Variants in HIVEP3 observed in about 807,000 individuals in gnomAD.
The protein encoded by HIVEP3 is transcription factor HIVEP3.
HIVEP3 carries 49 observed loss-of-function variants against 152.8 expected under a neutral mutation model. That is an observed-to-expected ratio of 0.32 (90% CI 0.26 to 0.41). The LOEUF is 0.41. HIVEP3 is among the 10% of genes least tolerant of loss of function. HIVEP3 has a pLI of 1.00. For synonymous variants in HIVEP3, 1,269 were observed against 1,289.0 expected, an observed-to-expected ratio of 0.98 and a Z score of 0.33; for missense variants, 2,790 against 3,103.3, an observed-to-expected ratio of 0.90 and a Z score of 2.40.
intron 1 of HIVEP3, among the ~76,000 whole-genome samples, chr1:41,787,205 C>A (rs939194598): frequency 2.0e-5 from 3 of 152,154 alleles, no homozygotes; most frequent in African/African-American, 7.2e-5. Flanking sequence ...AAATAATGCC[C>A]GTGTCTGATG....
At chr1:41,978,627 C>T (rs1645275685) in intron 1 of HIVEP3, among the ~76,000 whole-genome samples, 1 of 152,262 alleles carries the variant, frequency 6.6e-6, no homozygotes, top group East Asian at 1.9e-4. Flanking sequence ...ATTACAGCAT[C>T]GCTAGCAAAT....
chr1:41,639,330 T>C (rs1041955455), intron 2 of HIVEP3, among the ~76,000 whole-genome samples: 5 of 152,060 alleles, frequency 3.3e-5, no homozygotes, highest in African/African-American at 1.2e-4. Flanking sequence ...ACCACAGAAG[T>C]AGCATGGTAT....
chr1:41,518,607 T>G, intron 6 of HIVEP3, 119 bp from the exon 7 acceptor site: 1 of 939,646 alleles, frequency 1.1e-6, no homozygotes, highest in South Asian at 1.3e-5. Context: ...GTCAAGGCCC[T>G]GCCAGCTGCA....
chr1:42,011,206 C>T lies in HIVEP3; in HGVS notation n.119+24601G>A, dbSNP rs547292720. The stretch of plus-strand genomic sequence containing the variant: ...TTAGTCTGTCATCTTGAAAAAGAAT[C>T]CTGTGTACATTTCTATTAACACAAG... On this transcript the variant is annotated intron_variant and non_coding_transcript_variant, in intron 1 of 3. Coordinates refer to the HIVEP3 transcript ENST00000489103. Among the ~76,000 whole-genome samples, 45 of 152,256 alleles carry T rather than the reference C, an allele frequency of 3.0e-4. No homozygotes were observed. The South Asian group carries it at 8.7e-3, about 29-fold the overall frequency.
chr1:41,729,839 G>A (rs977228725), intron 1 of HIVEP3, among the ~76,000 whole-genome samples: 3 of 152,162 alleles, frequency 2.0e-5, no homozygotes, highest in East Asian at 1.9e-4. Flanking sequence ...GAAGAGGTGC[G>A]TTCTTGCTCT....
intron 1 of HIVEP3, among the ~76,000 whole-genome samples, chr1:41,950,199 G>A (rs1221692379): frequency 6.6e-6 from 1 of 152,180 alleles, no homozygotes; most frequent in Non-Finnish European, 1.5e-5. Context: ...TAATGGAAGG[G>A]ACAATGATCA....
intron 1 of HIVEP3, among the ~76,000 whole-genome samples, chr1:41,779,648 A>G (rs1648920731): frequency 6.6e-6 from 1 of 152,230 alleles, no homozygotes; most frequent in African/African-American, 2.4e-5. Context: ...AGCATAAACC[A>G]TTATGCCTGG....
intron 2 of HIVEP3, among the ~76,000 whole-genome samples, chr1:41,653,441 A>T (rs192704976): frequency 6.6e-6 from 1 of 152,192 alleles, no homozygotes; most frequent in Non-Finnish European, 1.5e-5. Flanking sequence ...TCCCAAATGT[A>T]CTTGGCCATT....
chr1:41,884,457 G>A (rs1217730928), intron 1 of HIVEP3, among the ~76,000 whole-genome samples: 1 of 152,206 alleles, frequency 6.6e-6, no homozygotes, highest in Non-Finnish European at 1.5e-5. Flanking sequence ...ACCATCCCGG[G>A]ATTGCAGGCA....
At position 41,513,482 on chromosome 1, in the gene HIVEP3, T is replaced by C. The variant is rs1642507112; in HGVS notation, c.5739A>G (p.Thr1913=). 6.2e-7 allele frequency: 1 copy of C among 1,610,610 alleles called. No homozygotes were observed. Among genetic ancestry groups the C allele is most frequent in the Non-Finnish European group, 8.5e-7 (1 of 1,179,102 alleles). The change falls in exon 8 of 9, where the codon ACA becomes ACG. Residue 1913 remains threonine (T), a synonymous_variant. Coordinates refer to ENST00000372583, the MANE Select transcript of HIVEP3 (RefSeq NM_024503.5). The part of the protein sequence containing the change: ...PDAPASGTEA[T]RGSSVSEAER... ...CAGCTTCCGAGACCGAGCTGCCTCG[T>C]GTAGCCTCCGTGCCAGAGGCGGGGG...
At position 41,601,126 on chromosome 1, in the gene HIVEP3, T is replaced by A. The variant is rs1026692997; in HGVS notation, c.-521-15808A>T. ...TCATTGGTCTACATGTCTGTCTTTATGTCAGTACCATACTGTTTTGATTAG... is the reference window on the plus strand; with the variant it reads ...TCATTGGTCTACATGTCTGTCTTTAAGTCAGTACCATACTGTTTTGATTAG... On this transcript the variant is annotated intron_variant, in intron 3 of 8. Coordinates refer to ENST00000372583, the MANE Select transcript of HIVEP3 (RefSeq NM_024503.5). 2.0e-5 allele frequency among the ~76,000 whole-genome samples: 3 copies of A among 152,222 alleles called. No individual in the cohort carries two copies. In the East Asian group the frequency reaches 5.8e-4, roughly 29 times the overall value.
rs115148893 is a variant in HIVEP3 at position 41,893,724 on chromosome 1, G to A, written c.-801+24689C>T. ...TGTGTGTGTGTATGTGTTTGTGTGT[G>A]TGTATATAGATATACATATATATTT... On this transcript the variant is annotated intron_variant, in intron 1 of 8. Transcript: ENST00000372583. 7.1e-3 allele frequency among the ~76,000 whole-genome samples: 1,062 copies of A among 149,008 alleles called. 15 individuals carry two copies. The highest frequency in any genetic ancestry group is 0.025 in the African/African-American group (1,029 of 40,662).
At chr1:41,736,815 G>A (rs1397771598) in intron 1 of HIVEP3, among the ~76,000 whole-genome samples, 3 of 152,308 alleles carry the variant, frequency 2.0e-5, no homozygotes, top group East Asian at 3.9e-4. Context: ...ATCATGACCG[G>A]GGCAGGATGG....
At chr1:41,550,229 G>A (rs973025914) in intron 5 of HIVEP3, among the ~76,000 whole-genome samples, 1 of 152,158 alleles carries the variant, frequency 6.6e-6, no homozygotes, top group Non-Finnish European at 1.5e-5. Context: ...TGCTCCATTG[G>A]TCTATATTTC....
Position 41,989,299 on chromosome 1 carries a change from C to CAT in HIVEP3, n.119+46506_119+46507dup, listed in dbSNP as rs143116325. On this transcript the variant is annotated intron_variant and non_coding_transcript_variant, in intron 1 of 3. Transcript: ENST00000489103. ...ATTTAGTTATTGCACAGTATGTGTA[C>CAT]ATATATATATACATCACAAAATATC... Among the ~76,000 whole-genome samples, 7 of 152,002 alleles carry CAT rather than the reference C, an allele frequency of 4.6e-5. No homozygotes were observed. The South Asian group carries it at 6.2e-4, about 14-fold the overall frequency.
intron 4 of HIVEP3, 93 bp from the exon 5 acceptor site, chr1:41,575,782 T>C (rs1171530206): frequency 2.2e-6 from 3 of 1,365,174 alleles, no homozygotes; most frequent in East Asian, 2.3e-5. Context: ...TACACAGTAC[T>C]GCACAAGTAC....
In HIVEP3 at chr1:41,946,818, A is replaced by C. The variant is rs542943955; in HGVS notation, n.120-28294T>G. On this transcript the variant is annotated intron_variant and non_coding_transcript_variant, in intron 1 of 3. Transcript: ENST00000489103. ...ACCCGAGGCCCTACAAGGACTCAAA[A>C]GATTGTTAAGGACCTAAAAGCCCAA... Among the ~76,000 whole-genome samples, 8 of 152,256 alleles carry C rather than the reference A, an allele frequency of 5.3e-5. No homozygotes were observed. In the East Asian group the frequency reaches 1.5e-3, roughly 29 times the overall value.
intron 5 of HIVEP3, among the ~76,000 whole-genome samples, chr1:41,569,659 A>AT (rs1466658587): frequency 6.6e-6 from 1 of 152,206 alleles, no homozygotes; most frequent in Admixed American, 6.5e-5. Context: ...TAATCTTTAG[A>AT]TTTTTTAAAA....
rs1001910124 is a variant in HIVEP3 at position 41,976,351 on chromosome 1, T to G, written n.120-57827A>C. 3.3e-5 allele frequency among the ~76,000 whole-genome samples: 5 copies of G among 152,190 alleles called. No individual in the cohort carries two copies. In the East Asian group the frequency reaches 5.8e-4, roughly 18 times the overall value. Reference sequence around the variant, plus strand: ...GAGCAATTGGCTCAGGTGGAAGCATTCGATGCCAGAAACACAACTCGGAAC... The same window carrying G: ...GAGCAATTGGCTCAGGTGGAAGCATGCGATGCCAGAAACACAACTCGGAAC... On this transcript the variant is annotated intron_variant and non_coding_transcript_variant, in intron 1 of 3. Transcript: ENST00000489103.
Sources: allele counts gnomAD v4.1 joint callset (sites outside exome capture counted in the v4.1 genomes callset), GRCh38; gene constraint gnomAD v4.1.1; transcripts MANE v1.5; gene names NCBI Gene and HGNC (gene_info 2026-07-23, HGNC 2026-07-21).